The following USP13 variants were observed in gnomAD, a reference collection of about 807,000 sequenced individuals.
USP13 encodes ubiquitin specific peptidase 13.
USP13 carries 68 observed loss-of-function variants against 107.8 expected under a neutral mutation model. The ratio of observed to expected loss-of-function variants is 0.63; its 90% CI spans 0.52 to 0.77. The LOEUF is 0.77. Ranked by LOEUF, USP13 falls within the 30% of genes least tolerant of loss-of-function variation. USP13 has a pLI of 0.00. For synonymous variants in USP13, 377 were observed against 389.5 expected, an observed-to-expected ratio of 0.97 and a Z score of 0.38; for missense variants, 945 against 1,093.3, an observed-to-expected ratio of 0.86 and a Z score of 1.91.
chr3:179,681,813 C>G, intron 1 of USP13, 65 bp from the exon 2 acceptor site: 1 of 1,536,672 alleles, frequency 6.5e-7, no homozygotes, highest in Non-Finnish European at 8.8e-7. Flanking sequence ...TTCCCTTTCC[C>G]TCTTTCTACA....
intron 6 of USP13, among the ~76,000 whole-genome samples, chr3:179,711,964 C>T (rs891334485): frequency 2.6e-5 from 4 of 152,172 alleles, no homozygotes; most frequent in Admixed American, 6.5e-5. Flanking sequence ...AGCATCACTA[C>T]AAGCATGGGA....
intron 6 of USP13, among the ~76,000 whole-genome samples, chr3:179,712,671 A>G (rs1163817098): frequency 3.3e-5 from 5 of 152,000 alleles, no homozygotes; most frequent in Non-Finnish European, 4.4e-5. Context: ...ATTCTGATGA[A>G]CATCCTTGTA....
chr3:179,748,344 T>C (rs1257511694), intron 13 of USP13, among the ~76,000 whole-genome samples: 2 of 152,232 alleles, frequency 1.3e-5, no homozygotes, highest in Non-Finnish European at 2.9e-5. Flanking sequence ...GTTTCAAATA[T>C]TAGTTTTGAG....
At chr3:179,657,322 A>T (rs1040429935) in intron 1 of USP13, among the ~76,000 whole-genome samples, 1 of 152,092 alleles carries the variant, frequency 6.6e-6, no homozygotes, top group Non-Finnish European at 1.5e-5. Context: ...GTTTGACAGG[A>T]GGTGGAGGTT....
At chr3:179,666,759 T>C (rs1458164574) in intron 1 of USP13, among the ~76,000 whole-genome samples, 1 of 152,014 alleles carries the variant, frequency 6.6e-6, no homozygotes, top group Admixed American at 6.6e-5. Context: ...AAAGAGAAAC[T>C]GCTCTTTTCC....
intron 3 of USP13, among the ~76,000 whole-genome samples, chr3:179,694,952 G>A (rs189434229): frequency 1.3e-5 from 2 of 152,292 alleles, no homozygotes; most frequent in East Asian, 1.9e-4. Context: ...ACTTGGTCAC[G>A]TGGCCACATC....
chr3:179,788,714 T>C lies in USP13; in HGVS notation c.*4573T>C, dbSNP rs570511002. On this transcript the variant is annotated 3_prime_UTR_variant, in exon 21 of 21. Coordinates refer to ENST00000263966, the MANE Select transcript of USP13 (RefSeq NM_003940.3). ...CCTAAAGAACTTCAAATTAGACATG[T>C]GGATAACGTTATACTTCTATTGGAC... is the stretch of plus-strand genomic sequence containing the variant. The C allele has an allele frequency of 3.3e-5, 5 of 152,300 alleles. No homozygotes were observed. The East Asian group carries it at 9.6e-4, about 29-fold the overall frequency. The allele number at this position is 152,300 out of a possible 1,614,324, so 9.4% of individuals were successfully genotyped here. A position where few individuals can be genotyped will look rare whatever the true frequency, so the allele number is the denominator to read the frequency against.
At chr3:179,728,664 C>G (rs1477223440) in intron 8 of USP13, among the ~76,000 whole-genome samples, 1 of 152,152 alleles carries the variant, frequency 6.6e-6, no homozygotes, top group African/African-American at 2.4e-5. Flanking sequence ...GAGCCGAGAT[C>G]ACGCCACTGC....
At chr3:179,684,731 G>A (rs561143873) in intron 2 of USP13, among the ~76,000 whole-genome samples, 3 of 151,766 alleles carry the variant, frequency 2.0e-5, no homozygotes, top group African/African-American at 4.8e-5. Flanking sequence ...GGCAAGCCTT[G>A]ATATCTTTTA....
chr3:179,765,595 TC>T (rs772236635), intron 18 of USP13, 99 bp from the exon 19 acceptor site: 8 of 1,422,956 alleles, frequency 5.6e-6, no homozygotes, highest in Non-Finnish European at 7.6e-6. Flanking sequence ...AATTCAGACC[TC>T]CTTCCCTATC....
chr3:179,763,854 G>T, intron 17 of USP13, 148 bp from the exon 18 acceptor site: 1 of 1,101,460 alleles, frequency 9.1e-7, no homozygotes. Context: ...CCAAAGTGCT[G>T]GGATTACAGG....
At chr3:179,750,302 GTGTATATATATATATATA>G (rs1470083017) in intron 13 of USP13, among the ~76,000 whole-genome samples, 57 of 111,062 alleles carry the variant, frequency 5.1e-4, no homozygotes, top group African/African-American at 1.8e-3. Flanking sequence ...ATATATGTGT[GTGTATATATATATATATA>G]TGTGTGTATA....
chr3:179,783,924 A>G, intron 20 of USP13, 124 bp from the exon 21 acceptor site: 1 of 702,776 alleles, frequency 1.4e-6, no homozygotes, highest in Non-Finnish European at 2.3e-6. Flanking sequence ...TATACAACGA[A>G]CTTGAGTATA....
chr3:179,682,153 CAG>C (rs1248188276), intron 2 of USP13, 150 bp downstream of exon 2: 18 of 998,752 alleles, frequency 1.8e-5, no homozygotes, highest in East Asian at 1.6e-4. Context: ...TTGCAAAATC[CAG>C]AGAGTCTCCC....
At chr3:179,669,602 C>A (rs1720687963) in intron 1 of USP13, among the ~76,000 whole-genome samples, 1 of 152,162 alleles carries the variant, frequency 6.6e-6, no homozygotes, top group Admixed American at 6.6e-5. Flanking sequence ...TAGACAGAGG[C>A]TGTCTAAAAG....
intron 19 of USP13, among the ~76,000 whole-genome samples, chr3:179,777,164 T>C (rs1407683212): frequency 6.6e-6 from 1 of 152,168 alleles, no homozygotes; most frequent in Non-Finnish European, 1.5e-5. Flanking sequence ...GTTCTGAGTA[T>C]GTACATGAGT....
chr3:179,665,493 C>T (rs1048117371), intron 1 of USP13, among the ~76,000 whole-genome samples: 4 of 152,170 alleles, frequency 2.6e-5, no homozygotes, highest in Non-Finnish European at 4.4e-5. Context: ...GTAATTTGTT[C>T]AAGGATTTGT....
Position 179,665,421 on chromosome 3 carries a change from T to C in USP13, c.168+12028T>C, listed in dbSNP as rs562931006. Among the ~76,000 whole-genome samples the C allele has an allele frequency of 1.9e-4, 29 of 152,318 alleles. 1 individual carries two copies. The highest frequency in any genetic ancestry group is 6.7e-4 in the African/African-American group (28 of 41,568). On this transcript the variant is annotated intron_variant, in intron 1 of 20. Coordinates refer to ENST00000263966, the MANE Select transcript of USP13 (RefSeq NM_003940.3). The stretch of plus-strand genomic sequence containing the variant: ...TAATTATGATAGTAATTGGCTTACA[T>C]GTTATAGTTACGATTTTGCCCCTGT...
intron 1 of USP13, among the ~76,000 whole-genome samples, chr3:179,667,161 G>A (rs1720611479): frequency 6.6e-6 from 1 of 152,170 alleles, no homozygotes; most frequent in South Asian, 2.1e-4. Flanking sequence ...AGAAGAAGAT[G>A]AAATGGCATT....
Sources: allele counts gnomAD v4.1 joint callset (sites outside exome capture counted in the v4.1 genomes callset), GRCh38; gene constraint gnomAD v4.1.1; transcripts MANE v1.5; gene names NCBI Gene and HGNC (gene_info 2026-07-23, HGNC 2026-07-21).